DAB1: variants seen among roughly 807,000 people sequenced by gnomAD.
DAB1 encodes the protein disabled homolog 1.
A neutral mutation model predicts 64.6 loss-of-function variants in DAB1; 15 were observed. The observed-to-expected ratio is 0.23, with a 90% CI of 0.16 to 0.36. The LOEUF (loss-of-function observed/expected upper bound fraction) is 0.36, where lower values mean the gene tolerates loss of function less well. Among genes scored for constraint, DAB1 ranks in the 10% least tolerant of loss-of-function variants. The pLI is 1.00. For synonymous variants in DAB1, 235 were observed against 251.9 expected (o/e 0.93, Z 0.64); for missense variants, 596 against 706.7 (o/e 0.84, Z 1.78).
At chr1:57,425,971 C>T (rs535686213), upstream of DAB1, among the ~76,000 whole-genome samples, 1 of 152,134 alleles carries the variant, frequency 6.6e-6, no homozygotes, top group Non-Finnish European at 1.5e-5. Context: ...AAACTCAATA[C>T]TGAGGAAAGA....
chr1:58,269,393 T>C (rs1247698197), intron 4 of DAB1, among the ~76,000 whole-genome samples: 3 of 149,966 alleles, frequency 2.0e-5, no homozygotes, highest in African/African-American at 7.3e-5. Context: ...ATGTGCCACA[T>C]TTTCTTAATC....
At chr1:58,329,651 G>A (rs764910383) in intron 4 of DAB1, among the ~76,000 whole-genome samples, 1 of 152,066 alleles carries the variant, frequency 6.6e-6, no homozygotes, top group Non-Finnish European at 1.5e-5. Flanking sequence ...TTTTCCAACA[G>A]CATAAGCTCA....
At chr1:57,585,188 G>A (rs1645363275) in intron 7 of DAB1, among the ~76,000 whole-genome samples, 1 of 147,336 alleles carries the variant, frequency 6.8e-6, no homozygotes, top group African/African-American at 2.5e-5. Context: ...GGCGGAGGGT[G>A]CAGTGAGCCA....
intron 7 of DAB1, among the ~76,000 whole-genome samples, chr1:57,559,277 A>G (rs1303764285): frequency 6.6e-6 from 1 of 152,224 alleles, no homozygotes; most frequent in Admixed American, 6.5e-5. Context: ...CGAATGGATC[A>G]TCGTTTGAAT....
chr1:58,104,218 A>G (rs1041604001), intron 5 of DAB1, among the ~76,000 whole-genome samples: 9 of 152,164 alleles, frequency 5.9e-5, no homozygotes, highest in Admixed American at 3.3e-4. Flanking sequence ...TCCAAATCCC[A>G]ACCTCTAGCA....
At chr1:58,513,853 A>C (rs1359129679) in intron 2 of DAB1, among the ~76,000 whole-genome samples, 1 of 152,222 alleles carries the variant, frequency 6.6e-6, no homozygotes, top group Non-Finnish European at 1.5e-5. Context: ...ACCAAGATCC[A>C]TGGTGACTAC....
intron 1 of DAB1, among the ~76,000 whole-genome samples, chr1:57,390,030 A>G (rs1348658349): frequency 4.6e-5 from 7 of 152,184 alleles, no homozygotes; most frequent in Non-Finnish European, 1.0e-4. Context: ...CCCCCAAACC[A>G]ATGTTGTTAA....
intron 5 of DAB1, among the ~76,000 whole-genome samples, chr1:57,915,879 C>T (rs555727635): frequency 6.6e-6 from 1 of 152,252 alleles, no homozygotes; most frequent in South Asian, 2.1e-4. Flanking sequence ...GCCAAGCCTG[C>T]CATCAACCAG....
intron 9 of DAB1, among the ~76,000 whole-genome samples, chr1:57,037,294 A>G (rs1160990175): frequency 6.6e-6 from 1 of 152,216 alleles, no homozygotes; most frequent in East Asian, 1.9e-4. Context: ...ATGAACATTC[A>G]CTGGGTGCTT....
chr1:57,263,284 T>G (rs1670334742), intron 2 of DAB1, among the ~76,000 whole-genome samples: 1 of 151,746 alleles, frequency 6.6e-6, no homozygotes, highest in Non-Finnish European at 1.5e-5. Context: ...CCAGGCTAAA[T>G]TTTTTTTGTA....
At chr1:57,295,895 A>G (rs1047707853) in intron 1 of DAB1, among the ~76,000 whole-genome samples, 1 of 152,144 alleles carries the variant, frequency 6.6e-6, no homozygotes, top group African/African-American at 2.4e-5. Flanking sequence ...ACTGAAGCAA[A>G]TCAATTCAAT....
At chr1:58,164,488 C>T (rs1470016424) in intron 4 of DAB1, among the ~76,000 whole-genome samples, 1 of 152,170 alleles carries the variant, frequency 6.6e-6, no homozygotes, top group Non-Finnish European at 1.5e-5. Flanking sequence ...GCATTTAATG[C>T]AAAGGCTTTT....
chr1:57,588,228 A>T (rs1477390362), intron 7 of DAB1, among the ~76,000 whole-genome samples: 1 of 152,186 alleles, frequency 6.6e-6, no homozygotes, highest in Non-Finnish European at 1.5e-5. Flanking sequence ...CATTAAGACC[A>T]ATAGGAAACA....
upstream of DAB1, among the ~76,000 whole-genome samples, chr1:57,887,478 T>A (rs1472494960): frequency 6.6e-6 from 1 of 152,224 alleles, no homozygotes; most frequent in African/African-American, 2.4e-5. Context: ...AATCTGCCAG[T>A]CAACGCATAG....
At chr1:58,295,315 G>A (rs1661943357) in intron 4 of DAB1, among the ~76,000 whole-genome samples, 1 of 152,160 alleles carries the variant, frequency 6.6e-6, no homozygotes, top group African/African-American at 2.4e-5. Flanking sequence ...TCACACAAGT[G>A]AGAATTCTGA....
intron 7 of DAB1, among the ~76,000 whole-genome samples, chr1:57,435,420 A>AT (rs1172699225): frequency 7.2e-5 from 11 of 152,158 alleles, no homozygotes; most frequent in Non-Finnish European, 7.4e-5. Flanking sequence ...AAACTTTTGA[A>AT]TTTTTTTAAC....
intron 6 of DAB1, among the ~76,000 whole-genome samples, chr1:57,727,332 G>A (rs759841295): frequency 2.6e-5 from 4 of 152,202 alleles, no homozygotes; most frequent in Non-Finnish European, 4.4e-5. Context: ...TTAAAGCTCA[G>A]CAGCTGTTTA....
At chr1:58,490,336 G>C (rs11207242) in intron 3 of DAB1, among the ~76,000 whole-genome samples, 27,041 of 151,976 alleles carry the variant, frequency 0.18, 2,541 homozygotes, top group Middle Eastern at 0.23. Context: ...GGAAGAAAAG[G>C]TATCAGTGAT....
intron 3 of DAB1, among the ~76,000 whole-genome samples, chr1:58,394,272 A>G (rs931724396): frequency 1.3e-5 from 2 of 152,238 alleles, no homozygotes; most frequent in African/African-American, 4.8e-5. Context: ...GTGCTAATGG[A>G]GAATGCTACA....
Sources: gnomAD v4.1 joint callset for allele counts (sites outside exome capture counted in the v4.1 genomes callset) on GRCh38, gnomAD v4.1.1 for gene constraint, MANE v1.5 for transcripts, NCBI Gene and HGNC (gene_info 2026-07-23, HGNC 2026-07-21) for gene names.